The following MYRIP variants were observed in gnomAD, a reference collection of about 807,000 sequenced individuals.
MYRIP encodes the protein myosin VIIA and Rab interacting protein, also known as rab effector MyRIP.
A neutral mutation model predicts 98.0 loss-of-function variants in MYRIP; 49 were observed. That is an observed-to-expected ratio of 0.50 (90% CI 0.40 to 0.63). The LOEUF (loss-of-function observed/expected upper bound fraction) is 0.63. Among genes scored for constraint, MYRIP ranks in the 30% least tolerant of loss-of-function variants. MYRIP has a pLI of 0.00. For missense variants in MYRIP, 1,004 were observed against 1,058.2 expected (o/e 0.95, Z 0.71); for synonymous variants, 404 against 409.5 (o/e 0.99, Z 0.16).
At chr3:39,878,009 T>G (rs1223391788) in intron 1 of MYRIP, among the ~76,000 whole-genome samples, 1 of 152,222 alleles carries the variant, frequency 6.6e-6, no homozygotes, top group Non-Finnish European at 1.5e-5. Flanking sequence ...CAGTTCGAGC[T>G]TCCCGGCTGC....
intron 4 of MYRIP, among the ~76,000 whole-genome samples, chr3:40,160,897 C>T (rs1249767413): frequency 3.3e-5 from 5 of 152,204 alleles, no homozygotes; most frequent in Admixed American, 3.3e-4. Flanking sequence ...CCTGTGCCCA[C>T]TGTCTGGCAC....
chr3:39,966,317 A>G (rs1379081725), intron 2 of MYRIP, among the ~76,000 whole-genome samples: 1 of 152,174 alleles, frequency 6.6e-6, no homozygotes, highest in Non-Finnish European at 1.5e-5. Flanking sequence ...ATTAAAGGAG[A>G]GGTTCTCCAA....
chr3:39,850,543 C>G (rs986494751), intron 1 of MYRIP, among the ~76,000 whole-genome samples: 3 of 151,964 alleles, frequency 2.0e-5, no homozygotes, highest in Admixed American at 6.6e-5. Context: ...GTAATTTGCT[C>G]TCTTTGGAAT....
intron 1 of MYRIP, among the ~76,000 whole-genome samples, chr3:39,891,874 A>G (rs551289604): frequency 6.6e-6 from 1 of 151,796 alleles, no homozygotes; most frequent in South Asian, 2.1e-4. Flanking sequence ...TAGGACTACT[A>G]ACCATTTTTC....
chr3:40,182,298 AG>A lies in MYRIP; in HGVS notation c.955del (p.Asp319ThrfsTer40). On this transcript the variant is annotated frameshift_variant, in exon 9 of 17. Transcript: ENST00000302541. LOFTEE classifies it high-confidence loss of function. ...AGTGGAGGCTCCATCGAGGCAGCCA[AG>A]GGACCAAGGCCAACACCCGAGAGCA... ...PPVEAPSRQPRDQGQHPRAES... is the reference protein window; with the variant it reads ...PPVEAPSRQPXDQGQHPRAES... The A allele has an allele frequency of 6.2e-7, 1 of 1,614,066 alleles. No homozygotes were observed. Among genetic ancestry groups the A allele is most frequent in the Non-Finnish European group, 8.5e-7 (1 of 1,179,988 alleles).
chr3:40,172,233 G>T lies in MYRIP; in HGVS notation c.873+2140G>T, dbSNP rs112645928. Among the ~76,000 whole-genome samples, 26 of 152,314 alleles carry T rather than the reference G, an allele frequency of 1.7e-4. No individual in the cohort carries two copies. The South Asian group carries it at 5.0e-3, about 29-fold the overall frequency. ...AAATAACAACAACAAAAACACAGGG[G>T]TATATATTTCAGTAATTGGCATCAA... is the stretch of plus-strand genomic sequence containing the variant. On this transcript the variant is annotated intron_variant, in intron 8 of 16. Coordinates refer to ENST00000302541, the MANE Select transcript of MYRIP (RefSeq NM_015460.4).
chr3:39,982,928 GT>G (rs1302818645), intron 2 of MYRIP, among the ~76,000 whole-genome samples: 1 of 152,166 alleles, frequency 6.6e-6, no homozygotes, highest in African/African-American at 2.4e-5. Context: ...ATAAATTTCA[GT>G]TGTGTAGAAT....
chr3:39,854,367 T>C (rs954482643), intron 1 of MYRIP, among the ~76,000 whole-genome samples: 1 of 152,122 alleles, frequency 6.6e-6, no homozygotes, highest in Non-Finnish European at 1.5e-5. Context: ...TGTGTTTGTC[T>C]GATTAGGTTA....
chr3:40,146,011 AAAAT>A (rs1054127008), intron 3 of MYRIP, among the ~76,000 whole-genome samples: 1 of 152,230 alleles, frequency 6.6e-6, no homozygotes, highest in Non-Finnish European at 1.5e-5. Context: ...GAGTGGGAAA[AAAAT>A]GTCTTCTTTG....
At chr3:40,023,628 C>T (rs1179326129) in intron 2 of MYRIP, among the ~76,000 whole-genome samples, 1 of 152,168 alleles carries the variant, frequency 6.6e-6, no homozygotes, top group African/African-American at 2.4e-5. Flanking sequence ...TGACGTCTCC[C>T]TTCCACCTCC....
intron 11 of MYRIP, among the ~76,000 whole-genome samples, chr3:40,226,048 G>A (rs1952480181): frequency 6.6e-6 from 1 of 152,110 alleles, no homozygotes; most frequent in African/African-American, 2.4e-5. Flanking sequence ...CCAACTTCTT[G>A]ATTGTACTGC....
intron 9 of MYRIP, among the ~76,000 whole-genome samples, chr3:40,183,283 G>T (rs1950940451): frequency 6.6e-6 from 1 of 152,188 alleles, no homozygotes; most frequent in African/African-American, 2.4e-5. Context: ...GTGGGCAGTT[G>T]TCTATCCCTG....
intron 8 of MYRIP, among the ~76,000 whole-genome samples, chr3:40,177,531 T>C (rs1169129778): frequency 6.6e-6 from 1 of 152,188 alleles, no homozygotes; most frequent in East Asian, 1.9e-4. Flanking sequence ...AACCCAAACT[T>C]AATTCATCCC....
At chr3:39,891,030 A>G (rs1943473587) in intron 1 of MYRIP, among the ~76,000 whole-genome samples, 1 of 151,982 alleles carries the variant, frequency 6.6e-6, no homozygotes, top group South Asian at 2.1e-4. Context: ...CTTTCCACGT[A>G]TATTTGGTCT....
intron 2 of MYRIP, among the ~76,000 whole-genome samples, chr3:39,974,594 C>A (rs1301661739): frequency 1.3e-5 from 2 of 151,668 alleles, no homozygotes; most frequent in African/African-American, 4.8e-5. Flanking sequence ...CAGAGACACA[C>A]CAAAAAAAGA....
chr3:40,196,254 T>G (rs1951390310), intron 10 of MYRIP, among the ~76,000 whole-genome samples: 1 of 152,032 alleles, frequency 6.6e-6, no homozygotes, highest in South Asian at 2.1e-4. Flanking sequence ...AATTTCTACT[T>G]TTATATTTAT....
chr3:40,126,002 T>A (rs562191545), intron 3 of MYRIP, among the ~76,000 whole-genome samples: 22 of 152,366 alleles, frequency 1.4e-4, no homozygotes, highest in Non-Finnish European at 2.5e-4. Flanking sequence ...GCTCTGACTC[T>A]GTGCTCAAGG....
At chr3:39,975,021 C>T (rs1429049930) in intron 2 of MYRIP, among the ~76,000 whole-genome samples, 2 of 152,244 alleles carry the variant, frequency 1.3e-5, no homozygotes, top group African/African-American at 2.4e-5. Flanking sequence ...TCCAATTCAA[C>T]ATAGTGTTGG....
intron 2 of MYRIP, among the ~76,000 whole-genome samples, chr3:39,952,746 C>G (rs1039098311): frequency 2.6e-5 from 4 of 152,116 alleles, no homozygotes; most frequent in Non-Finnish European, 5.9e-5. Flanking sequence ...CTTTATTTAT[C>G]TACGAATGCC....
Sources: allele counts gnomAD v4.1 joint callset (sites outside exome capture counted in the v4.1 genomes callset), GRCh38; gene constraint gnomAD v4.1.1; transcripts MANE v1.5; gene names NCBI Gene and HGNC (gene_info 2026-07-23, HGNC 2026-07-21).